HIVEP3: variants seen among roughly 807,000 people sequenced by gnomAD.
The protein encoded by HIVEP3 is transcription factor HIVEP3.
A neutral mutation model predicts 152.8 loss-of-function variants in HIVEP3; 49 were observed. That is an observed-to-expected ratio of 0.32 (90% CI 0.26 to 0.41). HIVEP3 has a LOEUF of 0.41. HIVEP3 is among the 10% of genes least tolerant of loss of function. HIVEP3 has a pLI of 1.00. For missense variants in HIVEP3, 2,790 were observed against 3,103.3 expected (o/e 0.90, Z 2.40); for synonymous variants, 1,269 against 1,289.0 (o/e 0.98, Z 0.33).
At chr1:41,961,733 G>A (rs911563452) in intron 1 of HIVEP3, among the ~76,000 whole-genome samples, 7 of 152,214 alleles carry the variant, frequency 4.6e-5, no homozygotes, top group South Asian at 2.1e-4. Flanking sequence ...ATATGAAAGC[G>A]AGAGAAAACA....
intron 1 of HIVEP3, among the ~76,000 whole-genome samples, chr1:41,912,113 G>C (rs1335550273): frequency 6.6e-6 from 1 of 152,076 alleles, no homozygotes; most frequent in Non-Finnish European, 1.5e-5. Context: ...AAATGCAAGA[G>C]GATAAGACAA....
intron 1 of HIVEP3, among the ~76,000 whole-genome samples, chr1:41,913,891 A>G (rs373060531): frequency 2.0e-5 from 3 of 152,168 alleles, no homozygotes; most frequent in African/African-American, 4.8e-5. Context: ...TACATAACAC[A>G]TGTTTAAAAA....
At chr1:41,845,975 G>A (rs551716062) in intron 1 of HIVEP3, among the ~76,000 whole-genome samples, 19 of 152,306 alleles carry the variant, frequency 1.2e-4, no homozygotes, top group Admixed American at 7.2e-4. Flanking sequence ...GCTGAGGCAG[G>A]AGAATTGCTT....
chr1:41,537,252 C>T (rs1643424070), intron 5 of HIVEP3, among the ~76,000 whole-genome samples: 1 of 152,202 alleles, frequency 6.6e-6, no homozygotes, highest in Admixed American at 6.5e-5. Flanking sequence ...AATTAGAAAA[C>T]TCTTGCATCT....
chr1:41,857,980 T>C (rs1457482676), intron 1 of HIVEP3, among the ~76,000 whole-genome samples: 1 of 136,314 alleles, frequency 7.3e-6, no homozygotes, highest in East Asian at 1.9e-4. Context: ...AATCAATCAA[T>C]CAATCTCTCT....
intron 1 of HIVEP3, among the ~76,000 whole-genome samples, chr1:41,953,475 G>A (rs1333029315): frequency 6.6e-6 from 1 of 152,228 alleles, no homozygotes; most frequent in African/African-American, 2.4e-5. Context: ...CACAATGCCA[G>A]GTACATAATG....
intron 1 of HIVEP3, among the ~76,000 whole-genome samples, chr1:42,006,581 A>C (rs1016312824): frequency 6.6e-6 from 1 of 151,928 alleles, no homozygotes; most frequent in African/African-American, 2.4e-5. Flanking sequence ...AAAAAAAAAA[A>C]AAAACTGTGA....
intron 5 of HIVEP3, among the ~76,000 whole-genome samples, chr1:41,557,746 C>T (rs548625290): frequency 6.6e-6 from 1 of 152,238 alleles, no homozygotes; most frequent in African/African-American, 2.4e-5. Context: ...TGCCGGGCAC[C>T]CAGGTCAGCT....
chr1:41,775,517 GTCTTAC>G (rs1254495054), intron 1 of HIVEP3, among the ~76,000 whole-genome samples: 3 of 152,044 alleles, frequency 2.0e-5, no homozygotes, highest in Non-Finnish European at 4.4e-5. Context: ...TTGAGATGGA[GTCTTAC>G]TCTGTCGCCC....
intron 5 of HIVEP3, among the ~76,000 whole-genome samples, chr1:41,569,355 TA>T (rs1193130251): frequency 6.6e-6 from 1 of 152,234 alleles, no homozygotes; most frequent in Non-Finnish European, 1.5e-5. Context: ...CCTCCTGTGG[TA>T]TGTGGTTTTG....
rs1299820130 is a variant in HIVEP3 at position 41,584,958 on chromosome 1, C to T, written c.-161G>A. The T allele has an allele frequency of 1.1e-5, 6 of 555,728 alleles. No individual in the cohort carries two copies. The highest frequency in any genetic ancestry group is 1.7e-5 in the Non-Finnish European group (6 of 345,990). The allele number at this position is 555,728 out of a possible 1,614,324, so 34.4% of individuals were successfully genotyped here. ...CTTTGGGAGTTTTTTGCAAGTGTCA[C>T]TGGCTGTGAGTGGACTCGGAGCAGG... On this transcript the variant is annotated 5_prime_UTR_variant, in exon 4 of 9. In the 5' UTR this introduces an upstream ATG that the reference lacks. Coordinates refer to ENST00000372583, the MANE Select transcript of HIVEP3 (RefSeq NM_024503.5). The surrounding 1 kb of genome is among the most constrained non-coding windows in gnomAD (Gnocchi z 5.2).
chr1:41,658,457 C>G (rs1460084637), intron 2 of HIVEP3, among the ~76,000 whole-genome samples: 1 of 152,098 alleles, frequency 6.6e-6, no homozygotes. Context: ...GACACAGAAG[C>G]AGACAAAAAA....
intron 1 of HIVEP3, among the ~76,000 whole-genome samples, chr1:41,804,476 C>A (rs987048387): frequency 1.3e-5 from 2 of 152,218 alleles, no homozygotes; most frequent in Non-Finnish European, 2.9e-5. Context: ...AGCTAGCCAC[C>A]ACCAGGTGCT....
chr1:41,761,434 C>G (rs4660205), intron 1 of HIVEP3, among the ~76,000 whole-genome samples: 131,200 of 152,042 alleles, frequency 0.86, 59,181 homozygotes, highest in Non-Finnish European at 1. Context: ...GCATGTGTCT[C>G]TGTGTGTATA....
intron 2 of HIVEP3, among the ~76,000 whole-genome samples, chr1:41,676,984 G>A (rs576677363): frequency 1.3e-5 from 2 of 152,344 alleles, no homozygotes; most frequent in South Asian, 4.1e-4. Context: ...GAGTCACTGT[G>A]TTATGCCGTG....
At chr1:41,548,604 C>T (rs531732413) in intron 5 of HIVEP3, among the ~76,000 whole-genome samples, 2 of 151,910 alleles carry the variant, frequency 1.3e-5, no homozygotes, top group East Asian at 3.9e-4. Flanking sequence ...GGCCCGATAT[C>T]GGCTCATTGC....
Position 41,510,254 on chromosome 1 carries a change from G to T in HIVEP3, c.*197C>A. 2.4e-6 allele frequency: 1 copy of T among 410,988 alleles called. No homozygotes were observed. The allele number at this position is 410,988 out of a possible 1,614,324, so 25.5% of individuals were successfully genotyped here. A position where few individuals can be genotyped will look rare whatever the true frequency, so the allele number is the denominator to read the frequency against. ...TAAATGTATGTATGTGATTTGTTTT[G>T]TTTCTTTTTAAGCAACAAAAGGTGT... On this transcript the variant is annotated 3_prime_UTR_variant, in exon 9 of 9. Transcript: ENST00000372583.
intron 1 of HIVEP3, among the ~76,000 whole-genome samples, chr1:41,787,167 A>G (rs1649398073): frequency 6.6e-6 from 1 of 152,186 alleles, no homozygotes; most frequent in South Asian, 2.1e-4. Context: ...TTGAGTAATA[A>G]CCATAAAAAA....
At chr1:42,010,297 G>C (rs1479156732) in intron 1 of HIVEP3, among the ~76,000 whole-genome samples, 1 of 152,084 alleles carries the variant, frequency 6.6e-6, no homozygotes, top group African/African-American at 2.4e-5. Context: ...CTTCTTGTTT[G>C]TTTATCTTGG....
Sources: gnomAD v4.1 joint callset for allele counts (sites outside exome capture counted in the v4.1 genomes callset) on GRCh38, gnomAD v4.1.1 for gene constraint, Gnocchi (gnomAD v3.1) non-coding constraint, MANE v1.5 for transcripts, NCBI Gene and HGNC (gene_info 2026-07-23, HGNC 2026-07-21) for gene names.